The following OTUD7A variants were observed in gnomAD, a reference collection of about 807,000 sequenced individuals.
The protein encoded by OTUD7A is OTU domain-containing protein 7A.
Under a neutral mutation model 65.7 loss-of-function variants are expected in OTUD7A, and 12 were observed. That is an observed-to-expected ratio of 0.18 (90% CI 0.12 to 0.30). OTUD7A has a LOEUF of 0.30. OTUD7A is among the 10% of genes least tolerant of loss of function. The pLI is 1.00. For synonymous variants in OTUD7A, 641 were observed against 586.3 expected, an observed-to-expected ratio of 1.09 and a Z score of -1.35; for missense variants, 1,148 against 1,304.8, an observed-to-expected ratio of 0.88 and a Z score of 1.85.
intron 1 of OTUD7A, among the ~76,000 whole-genome samples, chr15:31,843,475 A>G (rs967162967): frequency 7.2e-5 from 11 of 152,236 alleles, no homozygotes; most frequent in African/African-American, 2.4e-4. Flanking sequence ...TTAAAAATGT[A>G]TCATTTTGAA....
intron 1 of OTUD7A, among the ~76,000 whole-genome samples, chr15:31,825,037 T>C (rs1896765585): frequency 6.6e-6 from 1 of 152,238 alleles, no homozygotes; most frequent in Non-Finnish European, 1.5e-5. Flanking sequence ...GAAACCAGTA[T>C]CTTTCAGAAA....
chr15:31,486,585 C>T (rs2041239982), intron 12 of OTUD7A, among the ~76,000 whole-genome samples: 1 of 120,278 alleles, frequency 8.3e-6, no homozygotes, highest in Non-Finnish European at 1.7e-5. Flanking sequence ...AATCCCTCAG[C>T]GTTTGCAAGC....
intron 1 of OTUD7A, among the ~76,000 whole-genome samples, chr15:31,770,990 A>G (rs1350531768): frequency 6.6e-6 from 1 of 152,242 alleles, no homozygotes; most frequent in Non-Finnish European, 1.5e-5. Context: ...CCTACGATCA[A>G]GAGCAAGGCA....
chr15:31,867,484 C>T (rs560787922), intron 1 of OTUD7A, among the ~76,000 whole-genome samples: 5 of 152,280 alleles, frequency 3.3e-5, no homozygotes, highest in African/African-American at 1.2e-4. Context: ...GGACATCCGC[C>T]ACCTATAATT....
intron 1 of OTUD7A, among the ~76,000 whole-genome samples, chr15:31,870,142 G>A (rs1299316823): frequency 6.7e-6 from 1 of 149,884 alleles, no homozygotes; most frequent in East Asian, 1.9e-4. Context: ...GTCGCCCCAC[G>A]CCTGGCATCA....
intron 10 of OTUD7A, among the ~76,000 whole-genome samples, chr15:31,493,708 G>C (rs538173138): frequency 1.7e-4 from 26 of 152,264 alleles, no homozygotes; most frequent in Admixed American, 5.2e-4. Flanking sequence ...ACGAATATTT[G>C]AACAATCCCC....
At chr15:31,510,995 T>TACATGTATATCTATATGTAACATAC (rs201964760) in intron 8 of OTUD7A, among the ~76,000 whole-genome samples, 1 of 84,768 alleles carries the variant, frequency 1.2e-5, no homozygotes, top group South Asian at 4.0e-4. Context: ...ATATGTAACA[T>TACATGTATATCTATATGTAACATAC]ATGTATATCT....
chr15:31,483,264 AACCTCGCCGCCCGC>A lies in OTUD7A; in HGVS notation c.*16_*29del. Reference sequence around the variant, plus strand: ...ATGGAAAAGAAATCCTCGAAGGTAGAACCTCGCCGCCCGCGCCGCGCCGCGCCGCTCAGGGCCGG... The same window carrying A: ...ATGGAAAAGAAATCCTCGAAGGTAGAGCCGCGCCGCGCCGCTCAGGGCCGG... On this transcript the variant is annotated 3_prime_UTR_variant, in exon 13 of 13. Coordinates refer to ENST00000307050, the MANE Select transcript of OTUD7A (RefSeq NM_001382637.1). The A allele has an allele frequency of 3.7e-6, 4 of 1,076,172 alleles. No individual in the cohort carries two copies. The highest frequency in any genetic ancestry group is 4.5e-6 in the Non-Finnish European group (4 of 890,496). 66.7% of individuals were successfully genotyped at this position (1,076,172 alleles called of 1,614,324 possible).
At chr15:31,738,888 C>A (rs765993937) in intron 1 of OTUD7A, among the ~76,000 whole-genome samples, 1 of 152,190 alleles carries the variant, frequency 6.6e-6, no homozygotes, top group Non-Finnish European at 1.5e-5. Context: ...ATTAAGTATC[C>A]TTAAAGCAAG....
intron 5 of OTUD7A, among the ~76,000 whole-genome samples, chr15:31,540,856 T>C (rs1381745427): frequency 1.3e-5 from 2 of 152,184 alleles, no homozygotes; most frequent in African/African-American, 4.8e-5. Flanking sequence ...GACTATGAAC[T>C]GCAAATAAAG....
In OTUD7A at chr15:31,811,434, G is replaced by A. The variant is rs186939899; in HGVS notation, c.-100+59073C>T. On this transcript the variant is annotated intron_variant, in intron 1 of 12. Transcript: ENST00000307050. ...CTGTGTCTGTGTGTGTGGTATGTGTGAGTGTGTGCTTTGTATGTATGTATG... is the reference window on the plus strand; with the variant it reads ...CTGTGTCTGTGTGTGTGGTATGTGTAAGTGTGTGCTTTGTATGTATGTATG... Among the ~76,000 whole-genome samples, 81 of 151,998 alleles carry A rather than the reference G, an allele frequency of 5.3e-4. 1 individual carries two copies. Among genetic ancestry groups the A allele is most frequent in the African/African-American group, 1.7e-3 (71 of 41,452 alleles).
chr15:31,772,069 G>A (rs1404546940), intron 1 of OTUD7A, among the ~76,000 whole-genome samples: 1 of 151,642 alleles, frequency 6.6e-6, no homozygotes, highest in Non-Finnish European at 1.5e-5. Context: ...CGGCTAAAAC[G>A]GTGAAACCCC....
intron 1 of OTUD7A, among the ~76,000 whole-genome samples, chr15:31,834,752 A>G (rs887681993): frequency 1.3e-5 from 2 of 152,228 alleles, no homozygotes; most frequent in African/African-American, 2.4e-5. Context: ...GTCTGCTTCT[A>G]TATCTGACCC....
intron 1 of OTUD7A, among the ~76,000 whole-genome samples, chr15:31,708,944 A>C (rs1432926185): frequency 6.6e-6 from 1 of 151,576 alleles, no homozygotes; most frequent in African/African-American, 2.4e-5. Context: ...GGGGAATGTC[A>C]GAGAAGATGT....
chr15:31,550,534 G>C (rs1186960135), intron 5 of OTUD7A, among the ~76,000 whole-genome samples: 6 of 152,164 alleles, frequency 3.9e-5, no homozygotes, highest in Admixed American at 1.3e-4. Flanking sequence ...TCATTCAGCT[G>C]CAAGGAACTA....
chr15:31,556,592 T>C (rs1438577709), intron 5 of OTUD7A: 1 of 152,244 alleles, frequency 6.6e-6, no homozygotes, highest in Non-Finnish European at 1.5e-5. Flanking sequence ...GTGAAGGCTT[T>C]TGCTAAGCAT....
Position 31,479,898 on chromosome 15 carries a change from A to C in OTUD7A, c.*3396T>G, listed in dbSNP as rs902426906. The C allele has an allele frequency of 6.6e-6, 1 of 152,278 alleles. No individual in the cohort carries two copies. Among genetic ancestry groups the C allele is most frequent in the Admixed American group, 6.5e-5 (1 of 15,292 alleles). 9.4% of individuals were successfully genotyped at this position (152,278 alleles called of 1,614,324 possible). On this transcript the variant is annotated 3_prime_UTR_variant, in exon 13 of 13. Transcript: ENST00000307050. ...TGGTAATAGGTATGAAAAGGTCCAC[A>C]GTAATTTAGTGAATACAAAGTATTC...
intron 1 of OTUD7A, among the ~76,000 whole-genome samples, chr15:31,715,423 C>T (rs1893559199): frequency 6.6e-6 from 1 of 151,752 alleles, no homozygotes. Flanking sequence ...TTCCCTTCCC[C>T]CTCCTTTTAG....
At chr15:31,726,496 T>G (rs1235704812) in intron 1 of OTUD7A, among the ~76,000 whole-genome samples, 1 of 152,046 alleles carries the variant, frequency 6.6e-6, no homozygotes, top group Admixed American at 6.5e-5. Flanking sequence ...GAAAGGGAGA[T>G]CTAAGCTTGA....
Sources: allele counts gnomAD v4.1 joint callset (sites outside exome capture counted in the v4.1 genomes callset), GRCh38; gene constraint gnomAD v4.1.1; transcripts MANE v1.5; gene names NCBI Gene and HGNC (gene_info 2026-07-23, HGNC 2026-07-21).